Variants in CARMIL1 observed in about 807,000 individuals in gnomAD.
CARMIL1 encodes F-actin-uncapping protein LRRC16A.
CARMIL1 carries 90 observed loss-of-function variants against 177.1 expected under a neutral mutation model. That is an observed-to-expected ratio of 0.51 (90% confidence interval 0.43 to 0.61). The LOEUF is 0.61. Ranked by LOEUF, CARMIL1 falls within the 20% of genes least tolerant of loss-of-function variation. CARMIL1 has a pLI of 0.00. For missense variants in CARMIL1, 1,380 were observed against 1,667.0 expected (o/e 0.83, Z 3.00); for synonymous variants, 577 against 606.2 (o/e 0.95, Z 0.71).
At chr6:25,287,622 C>T (rs892079788) in intron 2 of CARMIL1, 1 of 152,394 alleles carries the variant, frequency 6.6e-6, no homozygotes, top group African/African-American at 2.4e-5. Flanking sequence ...TGTTATATCC[C>T]CACTACAACG....
intron 32 of CARMIL1, among the ~76,000 whole-genome samples, chr6:25,596,084 A>T (rs1360463090): frequency 1.3e-5 from 2 of 152,174 alleles, no homozygotes; most frequent in Admixed American, 1.3e-4. Flanking sequence ...ACATATTGTT[A>T]TACCCGTCCC....
At position 25,331,976 on chromosome 6, in the gene CARMIL1, G is replaced by A. The variant is rs183650655; in HGVS notation, c.138+47067G>A. On this transcript the variant is annotated intron_variant, in intron 2 of 36. Coordinates refer to ENST00000329474, the MANE Select transcript of CARMIL1 (RefSeq NM_017640.6). ...CTCATTTAAAAATCTTGTGTGCTTCGTTTAAAGAATCAATTAAAATAATAG... is the reference window on the plus strand; with the variant it reads ...CTCATTTAAAAATCTTGTGTGCTTCATTTAAAGAATCAATTAAAATAATAG... 4.1e-4 allele frequency among the ~76,000 whole-genome samples: 62 copies of A among 152,242 alleles called. No individual in the cohort carries two copies. The East Asian group carries it at 7.3e-3, about 18-fold the overall frequency.
At chr6:25,538,066 TTCTC>T (rs1229154916) in intron 25 of CARMIL1, 83 bp downstream of exon 25, 10 of 1,431,384 alleles carry the variant, frequency 7.0e-6, no homozygotes, top group Non-Finnish European at 9.3e-6. Flanking sequence ...AGTTTCAACT[TTCTC>T]TCTCTACCCA....
intron 2 of CARMIL1, among the ~76,000 whole-genome samples, chr6:25,344,087 T>A (rs1787242790): frequency 1.3e-5 from 2 of 152,094 alleles, no homozygotes; most frequent in Admixed American, 1.3e-4. Context: ...TTCTCCAGGA[T>A]TTCAGTCCCC....
chr6:25,415,352 C>G (rs1795263425), intron 2 of CARMIL1, among the ~76,000 whole-genome samples: 1 of 151,858 alleles, frequency 6.6e-6, no homozygotes, highest in South Asian at 2.1e-4. Context: ...AATATTCTGA[C>G]CCTAGTTCAT....
At chr6:25,601,812 C>T (rs559995407) in intron 33 of CARMIL1, among the ~76,000 whole-genome samples, 1 of 152,246 alleles carries the variant, frequency 6.6e-6, no homozygotes, top group South Asian at 2.1e-4. Context: ...CTTTTTACCC[C>T]TGTTTTCTCT....
chr6:25,369,582 C>G (rs907868504), intron 2 of CARMIL1, among the ~76,000 whole-genome samples: 1 of 152,010 alleles, frequency 6.6e-6, no homozygotes, highest in East Asian at 1.9e-4. Context: ...TGCTATGTAT[C>G]GAGGTGGCAA....
rs865816769 is a variant in CARMIL1 at position 25,506,500 on chromosome 6, C to T, written c.1396-3156C>T. Among the ~76,000 whole-genome samples, 8 of 152,090 alleles carry T rather than the reference C, an allele frequency of 5.3e-5. No individual in the cohort carries two copies. In the South Asian group the frequency reaches 6.2e-4, roughly 12 times the overall value. ...GGTAGGGGTTGCAGTGAGTCGAGAT[C>T]GTGCCATTGCACTCCAGCCTGGGAG... is the stretch of plus-strand genomic sequence containing the variant. On this transcript the variant is annotated intron_variant, in intron 17 of 36. Coordinates refer to ENST00000329474, the MANE Select transcript of CARMIL1 (RefSeq NM_017640.6).
chr6:25,435,359 G>GAA, intron 4 of CARMIL1, 124 bp from the exon 5 acceptor site: 1 of 1,134,478 alleles, frequency 8.8e-7, no homozygotes, highest in Non-Finnish European at 1.2e-6. Flanking sequence ...CCTTGTTAAA[G>GAA]AAAAAAAAAG....
At chr6:25,484,828 A>G (rs777865210) in intron 12 of CARMIL1, among the ~76,000 whole-genome samples, 4 of 152,162 alleles carry the variant, frequency 2.6e-5, no homozygotes, top group African/African-American at 4.8e-5. Flanking sequence ...AGCATTCATT[A>G]TTGATTGTGT....
chr6:25,569,937 T>G (rs994510364), intron 29 of CARMIL1, among the ~76,000 whole-genome samples: 2 of 152,244 alleles, frequency 1.3e-5, no homozygotes, highest in African/African-American at 4.8e-5. Context: ...ACCATCAGAT[T>G]AACATCTTGC....
At chr6:25,361,622 T>A (rs1256769865) in intron 2 of CARMIL1, among the ~76,000 whole-genome samples, 1 of 152,234 alleles carries the variant, frequency 6.6e-6, no homozygotes, top group Non-Finnish European at 1.5e-5. Context: ...GCTATATTTT[T>A]AGTCATGAGC....
Position 25,474,232 on chromosome 6 carries a change from C to T in CARMIL1, c.874+1711C>T, listed in dbSNP as rs146378708. Reference sequence around the variant, plus strand: ...ATGCCATTCTCCTGCCTCAGCCTCCCGAGTAGCTGGGACTACAGGTGCCCA... The same window carrying T: ...ATGCCATTCTCCTGCCTCAGCCTCCTGAGTAGCTGGGACTACAGGTGCCCA... On this transcript the variant is annotated intron_variant, in intron 11 of 36. Transcript: ENST00000329474. 9.9e-3 allele frequency among the ~76,000 whole-genome samples: 1,504 copies of T among 151,730 alleles called. 20 individuals are homozygous for T. Among genetic ancestry groups the T allele is most frequent in the African/African-American group, 0.034 (1,404 of 41,354 alleles).
At chr6:25,557,756 G>A (rs1185328128) in intron 29 of CARMIL1, among the ~76,000 whole-genome samples, 6 of 152,142 alleles carry the variant, frequency 3.9e-5, no homozygotes, top group African/African-American at 1.4e-4. Flanking sequence ...CCAAGGATCT[G>A]ATATGGCCGA....
intron 2 of CARMIL1, among the ~76,000 whole-genome samples, chr6:25,294,241 C>G (rs1782220924): frequency 6.6e-6 from 1 of 152,160 alleles, no homozygotes; most frequent in Non-Finnish European, 1.5e-5. Context: ...GTGTCTATTT[C>G]TGCTGATCCC....
intron 2 of CARMIL1, among the ~76,000 whole-genome samples, chr6:25,402,931 A>G (rs1794011888): frequency 2.0e-5 from 3 of 152,196 alleles, no homozygotes; most frequent in African/African-American, 7.2e-5. Flanking sequence ...TTATTAGAGC[A>G]TGAAGGTGGT....
intron 2 of CARMIL1, among the ~76,000 whole-genome samples, chr6:25,335,996 A>G (rs972238011): frequency 2.0e-5 from 3 of 152,140 alleles, no homozygotes; most frequent in African/African-American, 7.2e-5. Flanking sequence ...GGCCCAATGA[A>G]ATAGTCTCTC....
intron 8 of CARMIL1, among the ~76,000 whole-genome samples, chr6:25,459,267 T>TTTCTTTCTTTTCTTTTCTTTTCTTTTC (rs1491449277): frequency 9.1e-6 from 1 of 109,468 alleles, no homozygotes; most frequent in African/African-American, 3.4e-5. Flanking sequence ...TCTTTCTTTC[T>TTTCTTTCTTTTCTTTTCTTTTCTTTTC]TTTTTTTTTT....
chr6:25,524,680 G>A lies in CARMIL1; in HGVS notation c.1969-4115G>A, dbSNP rs554515109. ...TATGATACCAGTTTTGGAATTATCA[G>A]AGCCCTTAAAATAACCATGATTAAG... On this transcript the variant is annotated intron_variant, in intron 23 of 36. Coordinates refer to ENST00000329474, the MANE Select transcript of CARMIL1 (RefSeq NM_017640.6). Among the ~76,000 whole-genome samples, 3 of 152,256 alleles carry A rather than the reference G, an allele frequency of 2.0e-5. No individual in the cohort carries two copies. In the South Asian group the frequency reaches 6.2e-4, roughly 32 times the overall value.
Sources: gnomAD v4.1 joint callset for allele counts (sites outside exome capture counted in the v4.1 genomes callset) on GRCh38, gnomAD v4.1.1 for gene constraint, MANE v1.5 for transcripts, NCBI Gene and HGNC (gene_info 2026-07-23, HGNC 2026-07-21) for gene names.